DHX30: variants seen among roughly 807,000 people sequenced by gnomAD.
The protein encoded by DHX30 is DExH-box helicase 30.
DHX30 carries 4 observed loss-of-function variants against 116.9 expected under a neutral mutation model. The observed-to-expected ratio is 0.03, with a 90% CI of 0.02 to 0.08. The LOEUF (loss-of-function observed/expected upper bound fraction) is 0.08. Ranked by LOEUF, DHX30 falls within the 10% of genes least tolerant of loss-of-function variation. The pLI is 1.00. For synonymous variants in DHX30, 697 were observed against 651.7 expected (o/e 1.07, Z -1.06); for missense variants, 871 against 1,595.1 (o/e 0.55, Z 7.73).
In DHX30 at chr3:47,846,425, G is replaced by A. The variant is rs1443779613; in HGVS notation, c.1353G>A (p.Pro451=). ...TCCTCAACGCCATTGAGCAGCACCC[G>A]GTGGTGGTCATCTCTGGGGACACGG... ...DTILNAIEQH[P]VVVISGDTGC... Residue 451 remains proline (P), a synonymous_variant, in exon 11 of 22, where the codon CCG becomes CCA. Transcript: ENST00000445061. The A allele has an allele frequency of 6.2e-6, 10 of 1,614,000 alleles. No homozygotes were observed. In the Admixed American group the frequency reaches 8.3e-5, roughly 13 times the overall value.
Position 47,841,020 on chromosome 3 carries a change from A to G in DHX30, c.510A>G (p.Pro170=), listed in dbSNP as rs2037349985. 6.2e-7 allele frequency: 1 copy of G among 1,614,206 alleles called. No individual in the cohort carries two copies. Among genetic ancestry groups the G allele is most frequent in the Admixed American group, 1.7e-5 (1 of 60,016 alleles). Residue 170 remains proline, a synonymous_variant, in exon 7 of 22, where the codon CCA becomes CCG. Coordinates refer to ENST00000445061, the MANE Select transcript of DHX30 (RefSeq NM_138615.3). ...CTACTTCCTGGCGGCAGCTGAATCC[A>G]GAGAGTATTCGACCAGGGGGACCTG... ...MPPTSWRQLN[P]ESIRPGGPGG...
chr3:47,805,125 G>A (rs2035458760), intron 1 of DHX30, among the ~76,000 whole-genome samples: 2 of 152,172 alleles, frequency 1.3e-5, no homozygotes, highest in Non-Finnish European at 1.5e-5. Context: ...ACTTCTACAG[G>A]TGCTGGTGTA....
intron 2 of DHX30, among the ~76,000 whole-genome samples, chr3:47,807,259 A>G (rs937914029): frequency 1.3e-5 from 2 of 152,102 alleles, no homozygotes; most frequent in Non-Finnish European, 2.9e-5. Flanking sequence ...TTTCTTTTGG[A>G]TCTCTATGAA....
Position 47,846,844 on chromosome 3 carries a change from G to C in DHX30, c.1772G>C (p.Ser591Thr), listed in dbSNP as rs138105650. 8 of 1,612,412 alleles carry C rather than the reference G, an allele frequency of 5.0e-6. No individual in the cohort carries two copies. Among genetic ancestry groups the C allele is most frequent in the Non-Finnish European group, 5.9e-6 (7 of 1,179,770 alleles). ...LNPALRLVLM[S>T]ATGDNERFSR... ...CCGGCCCTGCGGCTGGTGCTCATGA[G>C]TGCCACAGGGGACAATGAGCGCTTC... The change falls in exon 11 of 22, where the codon AGT becomes ACT. Residue 591 changes from serine to threonine, a missense_variant. Ser to Thr is a moderately conservative substitution (Grantham distance 58). This residue lies in a region of DHX30 where 61 missense variants were observed against 106.7 expected (regional missense o/e 0.57). Transcript: ENST00000445061.
chr3:47,849,542 C>T lies in DHX30; in HGVS notation c.3179C>T (p.Ser1060Leu). The change falls in exon 20 of 22, where the codon TCG becomes TTG. Residue 1060 changes from serine to leucine, a missense_variant. Around this residue, in one of 13 missense-constraint regions of DHX30, gnomAD observed 238 missense variants for 481.0 expected, o/e 0.49. Coordinates refer to ENST00000445061, the MANE Select transcript of DHX30 (RefSeq NM_138615.3). The stretch of plus-strand genomic sequence containing the variant: ...TCAGGCAACATCCTGCTGCACAAGT[C>T]GACCATTAACAGGTGAGGGCATGCA... ...TKSGNILLHK[S>L]TINREATRLR... 6.2e-7 allele frequency: 1 copy of T among 1,609,596 alleles called. No individual in the cohort carries two copies.
At position 47,837,608 on chromosome 3, in the gene DHX30, A is replaced by C. The variant is rs2037180470; in HGVS notation, c.367-3269A>C. On this transcript the variant is annotated intron_variant, in intron 6 of 21. Coordinates refer to ENST00000445061, the MANE Select transcript of DHX30 (RefSeq NM_138615.3). ...AAACCCCATCTCTACTAAAAATACA[A>C]AAATTAGCCGGGCCTGGTGGCGTAC... Among the ~76,000 whole-genome samples the C allele has an allele frequency of 2.6e-5, 4 of 152,176 alleles. 1 individual carries two copies. The South Asian group carries it at 8.3e-4, about 31-fold the overall frequency.
chr3:47,816,382 G>A (rs904404253), intron 3 of DHX30: 7 of 947,514 alleles, frequency 7.4e-6, no homozygotes, highest in Non-Finnish European at 8.7e-6. Context: ...TTTTTAAGAC[G>A]GAGTCTTGTT....
At chr3:47,815,976 G>A (rs544434370) in intron 3 of DHX30, 1 of 982,416 alleles carries the variant, frequency 1.0e-6, no homozygotes. Context: ...CCCTGGATGT[G>A]AATGAGGACC....
At chr3:47,824,473 A>G (rs1461428979) in intron 4 of DHX30, among the ~76,000 whole-genome samples, 1 of 151,628 alleles carries the variant, frequency 6.6e-6, no homozygotes, top group South Asian at 2.1e-4. Flanking sequence ...TAAACTTTTA[A>G]TAGAGTTGGG....
intron 2 of DHX30, among the ~76,000 whole-genome samples, chr3:47,809,823 A>G (rs1202701457): frequency 1.3e-5 from 2 of 152,206 alleles, no homozygotes; most frequent in Non-Finnish European, 2.9e-5. Flanking sequence ...TTGGCTAAAC[A>G]CTGTGTAGAT....
At chr3:47,822,791 AT>A (rs1159928051) in intron 4 of DHX30, among the ~76,000 whole-genome samples, 9 of 150,940 alleles carry the variant, frequency 6.0e-5, no homozygotes, top group Admixed American at 3.3e-4. Context: ...TCTCAAAAAA[AT>A]AAACATAAAA....
chr3:47,831,120 A>AG (rs1491560950), intron 6 of DHX30: 1 of 140,082 alleles, frequency 7.1e-6, no homozygotes, highest in Admixed American at 7.2e-5. Flanking sequence ...GTAATGTATT[A>AG]AAAAAAAAAA....
chr3:47,828,087 T>G (rs2107028668), intron 5 of DHX30, among the ~76,000 whole-genome samples: 1 of 152,034 alleles, frequency 6.6e-6, no homozygotes, highest in South Asian at 2.1e-4. Context: ...CTCAAACCCC[T>G]TGGTTCAAGG....
At chr3:47,812,865 T>C (rs2035865217) in intron 3 of DHX30, among the ~76,000 whole-genome samples, 1 of 151,504 alleles carries the variant, frequency 6.6e-6, no homozygotes, top group African/African-American at 2.4e-5. Flanking sequence ...GATTTCGCCA[T>C]ATTGGCCAGG....
chr3:47,837,550 C>T (rs1479960495), intron 6 of DHX30, among the ~76,000 whole-genome samples: 1 of 152,170 alleles, frequency 6.6e-6, no homozygotes, highest in Non-Finnish European at 1.5e-5. Flanking sequence ...ATCACAAGGT[C>T]AGGAGCTCGA....
At chr3:47,841,225 C>T (rs1177440594) in intron 7 of DHX30, 47 bp downstream of exon 7, 1 of 1,599,576 alleles carries the variant, frequency 6.3e-7, no homozygotes, top group East Asian at 2.2e-5. Context: ...TGTGCCTTGA[C>T]ACGGGGATGG....
At chr3:47,820,119 C>G (rs1421473521) in intron 4 of DHX30, among the ~76,000 whole-genome samples, 1 of 152,166 alleles carries the variant, frequency 6.6e-6, no homozygotes, top group Non-Finnish European at 1.5e-5. Flanking sequence ...TTGAGACCAG[C>G]CTGGCCAACA....
At chr3:47,804,786 G>T (rs2035444894) in intron 1 of DHX30, among the ~76,000 whole-genome samples, 1 of 152,152 alleles carries the variant, frequency 6.6e-6, no homozygotes, top group African/African-American at 2.4e-5. Flanking sequence ...GGCAGCTATG[G>T]GATCTTGGGC....
In DHX30 at chr3:47,827,564, G is replaced by C. The variant is rs1271297499; in HGVS notation, c.255+87G>C. 5.3e-6 allele frequency: 8 copies of C among 1,503,772 alleles called. No individual in the cohort carries two copies. In the African/African-American group the frequency reaches 1.1e-4, roughly 21 times the overall value. 93.2% of individuals were successfully genotyped at this position (1,503,772 alleles called of 1,614,324 possible). A position where few individuals can be genotyped will look rare whatever the true frequency, so the allele number is the denominator to read the frequency against. ...TTCTGTCTTAGGTTTCTTTGTCAAG[G>C]AGGCCATAGAATGGGTTTCCTGAAT... On this transcript the variant is annotated intron_variant, in intron 5 of 21. Transcript: ENST00000445061.
Sources: allele counts gnomAD v4.1 joint callset (sites outside exome capture counted in the v4.1 genomes callset), GRCh38; gene constraint gnomAD v4.1.1; regional missense constraint gnomAD v4.1.1; transcripts MANE v1.5; gene names NCBI Gene and HGNC (gene_info 2026-07-23, HGNC 2026-07-21).